Variants in NAV2 observed in about 807,000 individuals in gnomAD.
The protein encoded by NAV2 is helicase, APC down-regulated 1.
Under a neutral mutation model 223.2 loss-of-function variants are expected in NAV2, and 54 were observed. That is an observed-to-expected ratio of 0.24 (90% confidence interval 0.19 to 0.30). NAV2 has a LOEUF of 0.30. Among genes scored for constraint, NAV2 ranks in the 10% least tolerant of loss-of-function variants. The probability of loss-of-function intolerance (pLI) is 1.00; values close to 1 mark genes in which losing one functional copy is unlikely to be tolerated. For missense variants in NAV2, 2,806 were observed against 3,147.5 expected (o/e 0.89, Z 2.60); for synonymous variants, 1,279 against 1,239.3 (o/e 1.03, Z -0.67).
intron 1 of NAV2, among the ~76,000 whole-genome samples, chr11:19,435,204 A>G (rs1164171928): frequency 6.6e-6 from 1 of 152,098 alleles, no homozygotes; most frequent in African/African-American, 2.4e-5. Context: ...CCTCCGACCA[A>G]TGTCTTGCCT....
chr11:19,657,617 A>G (rs2048163838), intron 1 of NAV2, among the ~76,000 whole-genome samples: 1 of 152,204 alleles, frequency 6.6e-6, no homozygotes, highest in Non-Finnish European at 1.5e-5. Flanking sequence ...GGTGAGGAAC[A>G]CATGGGTTAG....
At chr11:19,920,305 T>C (rs939558626) in intron 6 of NAV2, among the ~76,000 whole-genome samples, 2 of 152,202 alleles carry the variant, frequency 1.3e-5, no homozygotes, top group African/African-American at 4.8e-5. Context: ...ATTTATTTAT[T>C]TGAGACAGAG....
intron 3 of NAV2, among the ~76,000 whole-genome samples, chr11:19,847,318 T>A (rs2060865293): frequency 1.3e-5 from 2 of 152,178 alleles, no homozygotes; most frequent in African/African-American, 4.8e-5. Flanking sequence ...TGTTGTTGAT[T>A]AGGAGAAGTG....
chr11:19,587,666 C>T (rs2045943996), intron 1 of NAV2, among the ~76,000 whole-genome samples: 1 of 152,156 alleles, frequency 6.6e-6, no homozygotes, highest in African/African-American at 2.4e-5. Context: ...GGTACCCAAT[C>T]CCAAGAGCTC....
At chr11:19,747,122 C>T in intron 1 of NAV2, among the ~76,000 whole-genome samples, 1 of 134,660 alleles carries the variant, frequency 7.4e-6, no homozygotes, top group Non-Finnish European at 1.6e-5. Context: ...CAATTCCCAC[C>T]TATGAGTGAG....
At chr11:19,688,002 C>T (rs1056450234) in intron 1 of NAV2, among the ~76,000 whole-genome samples, 1 of 152,200 alleles carries the variant, frequency 6.6e-6, no homozygotes, top group Non-Finnish European at 1.5e-5. Context: ...GCTACAGACT[C>T]TAGCACTGCA....
intron 10 of NAV2, among the ~76,000 whole-genome samples, chr11:19,972,632 C>T (rs1017984706): frequency 9.9e-5 from 15 of 152,170 alleles, no homozygotes; most frequent in Non-Finnish European, 1.8e-4. Context: ...TGATCTCCCT[C>T]CCCCAAGCCA....
At chr11:19,628,257 A>C (rs778431792) in intron 1 of NAV2, among the ~76,000 whole-genome samples, 1 of 152,180 alleles carries the variant, frequency 6.6e-6, no homozygotes, top group Non-Finnish European at 1.5e-5. Flanking sequence ...CCTTCCCAGG[A>C]ATGGGAAAGG....
chr11:19,493,528 A>G (rs377549211), intron 1 of NAV2, among the ~76,000 whole-genome samples: 5 of 152,202 alleles, frequency 3.3e-5, no homozygotes, highest in African/African-American at 1.2e-4. Flanking sequence ...TCATTCCTCT[A>G]TTATAAAAAA....
chr11:19,899,847 G>T (rs974052587), intron 6 of NAV2, among the ~76,000 whole-genome samples: 1 of 152,190 alleles, frequency 6.6e-6, no homozygotes, highest in African/African-American at 2.4e-5. Context: ...CAGCAAATCT[G>T]CTGGGTTCAC....
intron 17 of NAV2, 60 bp from the exon 18 acceptor site, chr11:20,054,020 A>G: frequency 6.5e-7 from 1 of 1,533,526 alleles, no homozygotes; most frequent in Non-Finnish European, 8.9e-7. Context: ...TCAGCTCCAC[A>G]GAGTTCATTT....
intron 32 of NAV2, 62 bp downstream of exon 32, chr11:20,101,234 A>T: frequency 7.9e-7 from 1 of 1,272,504 alleles, no homozygotes; most frequent in South Asian, 1.3e-5. Context: ...TGATATCACC[A>T]CTAGCCTGAA....
chr11:19,895,682 G>C (rs1305262509), intron 6 of NAV2, among the ~76,000 whole-genome samples: 1 of 152,034 alleles, frequency 6.6e-6, no homozygotes, highest in Non-Finnish European at 1.5e-5. Context: ...TCTGTAGAAG[G>C]GTGCATTTAT....
chr11:19,521,795 C>T lies in NAV2; in HGVS notation c.75+170768C>T, dbSNP rs115913945. Among the ~76,000 whole-genome samples, 982 of 152,266 alleles carry T rather than the reference C, an allele frequency of 6.4e-3. 9 individuals carry two copies. The highest frequency in any genetic ancestry group is 0.023 in the African/African-American group (951 of 41,542). On this transcript the variant is annotated intron_variant, in intron 1 of 37. Transcript: ENST00000360655. ...AATAAGTAACGTGCCAACGGTCGCT[C>T]CAGCAGAAATGCAAACCCAGGACTG...
chr11:19,467,016 C>G (rs201535137), intron 1 of NAV2, among the ~76,000 whole-genome samples: 11,937 of 88,266 alleles, frequency 0.14, 517 homozygotes, highest in Non-Finnish European at 0.17. Flanking sequence ...CACACACACA[C>G]ACAGAGAGAG....
chr11:20,015,240 T>C (rs1177576096), intron 11 of NAV2, among the ~76,000 whole-genome samples: 1 of 152,242 alleles, frequency 6.6e-6, no homozygotes, highest in East Asian at 1.9e-4. Flanking sequence ...TTCCCTGAAA[T>C]ACGTGTCGAG....
At chr11:19,439,057 C>G (rs1316610928) in intron 1 of NAV2, among the ~76,000 whole-genome samples, 3 of 152,136 alleles carry the variant, frequency 2.0e-5, no homozygotes, top group Admixed American at 6.5e-5. Context: ...CTCTGGCAGC[C>G]AGCCCCCATC....
At chr11:19,351,274 C>T (rs974515644) in intron 1 of NAV2, among the ~76,000 whole-genome samples, 4 of 152,152 alleles carry the variant, frequency 2.6e-5, no homozygotes, top group African/African-American at 4.8e-5. Flanking sequence ...GATTTATAAG[C>T]GTTAACTGAG....
chr11:19,454,714 G>T (rs1046069140), intron 1 of NAV2, among the ~76,000 whole-genome samples: 1 of 152,190 alleles, frequency 6.6e-6, no homozygotes, highest in Non-Finnish European at 1.5e-5. Context: ...GAATTAATGG[G>T]ACACGTAACT....
Sources: allele counts gnomAD v4.1 joint callset (sites outside exome capture counted in the v4.1 genomes callset), GRCh38; gene constraint gnomAD v4.1.1; transcripts MANE v1.5; gene names NCBI Gene and HGNC (gene_info 2026-07-23, HGNC 2026-07-21).